The following MTUS1 variants were observed in gnomAD, a reference collection of about 807,000 sequenced individuals.
MTUS1 encodes the protein microtubule associated scaffold protein 1, also known as microtubule-associated tumor suppressor 1.
Under a neutral mutation model 120.8 loss-of-function variants are expected in MTUS1, and 109 were observed. The observed-to-expected ratio is 0.90, with a 90% CI of 0.77 to 1.06. The LOEUF (loss-of-function observed/expected upper bound fraction) is 1.06. MTUS1 is among the 50% of genes least tolerant of loss of function. The pLI is 0.00. For synonymous variants in MTUS1, 737 were observed against 550.5 expected, an observed-to-expected ratio of 1.34 and a Z score of -4.74; for missense variants, 2,210 against 1,486.3, an observed-to-expected ratio of 1.49 and a Z score of -8.01.
chr8:17,750,865 C>A (rs546779771), intron 2 of MTUS1, among the ~76,000 whole-genome samples: 2 of 152,198 alleles, frequency 1.3e-5, no homozygotes, highest in East Asian at 3.9e-4. Context: ...TACATCTAGC[C>A]CCGTTTCAAA....
At chr8:17,726,097 C>G (rs11203904) in intron 3 of MTUS1, among the ~76,000 whole-genome samples, 23,061 of 152,060 alleles carry the variant, frequency 0.15, 2,270 homozygotes, top group East Asian at 0.4. Flanking sequence ...TGAACGGCCT[C>G]CTTTCTATCC....
chr8:17,783,109 T>A (rs1323713072), intron 1 of MTUS1, among the ~76,000 whole-genome samples: 2 of 152,014 alleles, frequency 1.3e-5, no homozygotes, highest in Non-Finnish European at 1.5e-5. Flanking sequence ...CACACGCCCT[T>A]AAGAACGCAA....
chr8:17,671,338 A>G (rs1811980845), intron 8 of MTUS1, among the ~76,000 whole-genome samples: 1 of 152,224 alleles, frequency 6.6e-6, no homozygotes, highest in Non-Finnish European at 1.5e-5. Flanking sequence ...CCAAGAAAAC[A>G]GAAAGCATAT....
intron 8 of MTUS1, among the ~76,000 whole-genome samples, chr8:17,657,984 T>C (rs1808805313): frequency 6.6e-6 from 1 of 150,582 alleles, no homozygotes; most frequent in South Asian, 2.1e-4. Flanking sequence ...TACATATACA[T>C]ATATAATACA....
At chr8:17,798,645 T>A (rs2052446115) in intron 1 of MTUS1, among the ~76,000 whole-genome samples, 1 of 152,244 alleles carries the variant, frequency 6.6e-6, no homozygotes, top group African/African-American at 2.4e-5. Flanking sequence ...AAATTTTTTT[T>A]AAATCTTCTA....
At position 17,715,832 on chromosome 8, in the gene MTUS1, C is replaced by A. The variant is rs766109786; in HGVS notation, c.2519G>T (p.Gly840Val). ...TACCAAAGGCTTCAAATAAAAGGATCCTGAGGAACCATTCTGAAATGCTGG... is the reference window on the plus strand; with the variant it reads ...TACCAAAGGCTTCAAATAAAAGGATACTGAGGAACCATTCTGAAATGCTGG... ...PKPAFQNGSS[G>V]SFYLKPLVSR... Residue 840 changes from glycine to valine, a missense_variant, in exon 5 of 15, where the codon GGA (glycine) becomes GTA (valine). Physicochemically the swap from Gly to Val is moderately radical, Grantham distance 109 (BLOSUM62 -3). Coordinates refer to ENST00000693296, the MANE Select transcript of MTUS1 (RefSeq NM_001363059.2). The A allele has an allele frequency of 1.2e-6, 2 of 1,613,982 alleles. No homozygotes were observed. Among genetic ancestry groups the A allele is most frequent in the Admixed American group, 3.3e-5 (2 of 59,986 alleles).
At chr8:17,653,701 G>T in intron 10 of MTUS1, 1 of 494,486 alleles carries the variant, frequency 2.0e-6, no homozygotes, top group South Asian at 2.8e-5. Flanking sequence ...CCCATTTTAT[G>T]ACTGAGAGCC....
At chr8:17,708,582 G>C (rs941837905) in intron 6 of MTUS1, among the ~76,000 whole-genome samples, 1 of 152,192 alleles carries the variant, frequency 6.6e-6, no homozygotes, top group Non-Finnish European at 1.5e-5. Flanking sequence ...AATTGAGCCA[G>C]TTTTCTGATA....
rs1409997100 is a variant in MTUS1, at chr8:17,675,269, T to A, written c.2839-17A>T. ...TTCCTCCCGCTGCGGAAAACACACATCAAGTTACTCATGCTTTCAAGAGGG... is the reference window on the plus strand; with the variant it reads ...TTCCTCCCGCTGCGGAAAACACACAACAAGTTACTCATGCTTTCAAGAGGG... On this transcript the variant is annotated splice_polypyrimidine_tract_variant and intron_variant, in intron 7 of 14. Transcript: ENST00000693296. 6.2e-7 allele frequency: 1 copy of A among 1,612,940 alleles called. No homozygotes were observed. The highest frequency in any genetic ancestry group is 1.1e-5 in the South Asian group (1 of 90,990).
chr8:17,755,411 C>T lies in MTUS1; in HGVS notation c.397G>A (p.Glu133Lys). The T allele has an allele frequency of 6.2e-7, 1 of 1,614,210 alleles. No individual in the cohort carries two copies. The highest frequency in any genetic ancestry group is 1.1e-5 in the South Asian group (1 of 91,086). Residue 133 changes from glutamate to lysine, a missense_variant, in exon 2 of 15, where the codon GAG becomes AAG. By Grantham distance (56) the Glu-to-Lys change is moderately conservative. Coordinates refer to ENST00000693296, the MANE Select transcript of MTUS1 (RefSeq NM_001363059.2). The stretch of plus-strand genomic sequence containing the variant: ...TTCCACACAAAAGGCAAAGATGGCT[C>T]AACACTCTGGCCCTCAACTGCTTCT... ...SLEAVEGQSV[E>K]PSLPFVWKPN... is the part of the protein sequence containing the mutation.
At chr8:17,775,712 T>G (rs2050372683) in intron 1 of MTUS1, among the ~76,000 whole-genome samples, 1 of 152,258 alleles carries the variant, frequency 6.6e-6, no homozygotes, top group South Asian at 2.1e-4. Context: ...TGTAGCTGTT[T>G]AGAATAAATT....
intron 8 of MTUS1, among the ~76,000 whole-genome samples, chr8:17,667,342 G>A (rs1309203911): frequency 1.3e-5 from 2 of 152,256 alleles, no homozygotes; most frequent in South Asian, 4.1e-4. Flanking sequence ...TTCAAGAAAA[G>A]TCACTTCTGG....
intron 2 of MTUS1, among the ~76,000 whole-genome samples, chr8:17,746,357 A>G (rs1227148116): frequency 6.6e-6 from 1 of 152,150 alleles, no homozygotes; most frequent in East Asian, 1.9e-4. Context: ...ACCTCTACGT[A>G]TTAGTCCATT....
intron 1 of MTUS1, among the ~76,000 whole-genome samples, chr8:17,783,741 A>G (rs1177640961): frequency 2.0e-5 from 3 of 152,132 alleles, no homozygotes; most frequent in African/African-American, 7.2e-5. Context: ...AAGCTCAAGC[A>G]AGACAGACAC....
chr8:17,766,572 G>A (rs775681954), intron 1 of MTUS1, among the ~76,000 whole-genome samples: 81 of 152,214 alleles, frequency 5.3e-4, no homozygotes, highest in Non-Finnish European at 8.1e-4. Flanking sequence ...GGCAATCTAT[G>A]CGAACTCTGA....
chr8:17,675,310 TAC>T lies in MTUS1; in HGVS notation c.2839-60_2839-59del, dbSNP rs531707999. On this transcript the variant is annotated intron_variant, in intron 7 of 14. Transcript: ENST00000693296. ...TTCAAGAGGGTCCCTTTCAGTAAGG[TAC>T]ACATTTGTTATCACTAGGAAAATGA... is the stretch of plus-strand genomic sequence containing the variant. 351 of 1,498,534 alleles carry T rather than the reference TAC, an allele frequency of 2.3e-4. No homozygotes were observed. The African/African-American group carries it at 4.4e-3, about 19-fold the overall frequency. The allele number at this position is 1,498,534 out of a possible 1,614,324, so 92.8% of individuals were successfully genotyped here.
intron 6 of MTUS1, among the ~76,000 whole-genome samples, chr8:17,688,875 A>G (rs1248138415): frequency 6.6e-6 from 1 of 152,312 alleles, no homozygotes; most frequent in African/African-American, 2.4e-5. Context: ...CTGAAAATGG[A>G]AAATTTTAAG....
chr8:17,668,296 C>T (rs12543627), intron 8 of MTUS1, among the ~76,000 whole-genome samples: 9,647 of 152,136 alleles, frequency 0.063, 568 homozygotes, highest in East Asian at 0.3. Context: ...CTTCTTCCAA[C>T]GTGGCCCGGG....
chr8:17,653,724 G>A, intron 10 of MTUS1: 1 of 456,232 alleles, frequency 2.2e-6, no homozygotes, highest in Non-Finnish European at 3.8e-6. Context: ...GAGGCCCACT[G>A]AAGCCCACCA....
Sources: gnomAD v4.1 joint callset for allele counts (sites outside exome capture counted in the v4.1 genomes callset) on GRCh38, gnomAD v4.1.1 for gene constraint, MANE v1.5 for transcripts, NCBI Gene and HGNC (gene_info 2026-07-23, HGNC 2026-07-21) for gene names.